The following ABLIM1 variants were observed in gnomAD, a reference collection of about 807,000 sequenced individuals.
ABLIM1 encodes actin binding LIM protein 1.
Under a neutral mutation model 107.0 loss-of-function variants are expected in ABLIM1, and 40 were observed. That is an observed-to-expected ratio of 0.37 (90% CI 0.29 to 0.49). The LOEUF (loss-of-function observed/expected upper bound fraction) is 0.49, where lower values mean the gene tolerates loss of function less well. ABLIM1 is among the 20% of genes least tolerant of loss of function. The pLI is 0.97. For missense variants in ABLIM1, 857 were observed against 1,008.5 expected (o/e 0.85, Z 2.04); for synonymous variants, 357 against 357.3 (o/e 1.00, Z 0.01).
intron 6 of ABLIM1, among the ~76,000 whole-genome samples, chr10:114,509,409 G>A (rs774885500): frequency 1.8e-4 from 28 of 151,980 alleles, no homozygotes; most frequent in African/African-American, 5.3e-4. Context: ...CCCACCAGTC[G>A]GTCTCCAGGC....
At chr10:114,793,029 G>A in the ABLIM1 span, among the ~76,000 whole-genome samples, 8 of 152,160 alleles carry the variant, frequency 5.3e-5, no homozygotes, top group Non-Finnish European at 1.2e-4. Context: ...GCACATGCCT[G>A]TAATCCCAGC....
Position 114,444,141 on chromosome 10 carries a change from AC to A in ABLIM1, c.1828-8del. Reference sequence around the variant, plus strand: ...GTCCCAGGCCTGAGTTAAGCTATTCACAGAAAAAAGGAAAAAAAAAAAAAAA... The same window carrying A: ...GTCCCAGGCCTGAGTTAAGCTATTCAAGAAAAAAGGAAAAAAAAAAAAAAA... On this transcript the variant is annotated splice_polypyrimidine_tract_variant and splice_region_variant and intron_variant, in intron 16 of 22. Transcript: ENST00000533213. 1 of 1,516,230 alleles carries A rather than the reference AC, an allele frequency of 6.6e-7. No individual in the cohort carries two copies. Among genetic ancestry groups the A allele is most frequent in the African/African-American group, 1.6e-5 (1 of 63,670 alleles). The allele number at this position is 1,516,230 out of a possible 1,614,324, so 93.9% of individuals were successfully genotyped here. A position where few individuals can be genotyped will look rare whatever the true frequency, so the allele number is the denominator to read the frequency against.
chr10:114,724,585 G>C (rs1336226268), intron 1 of ABLIM1, among the ~76,000 whole-genome samples: 1 of 152,060 alleles, frequency 6.6e-6, no homozygotes, highest in African/African-American at 2.4e-5. Context: ...TCATTCCCTA[G>C]AGGCTCTACT....
chr10:114,547,324 A>G (rs118000991), intron 5 of ABLIM1, among the ~76,000 whole-genome samples: 2 of 152,322 alleles, frequency 1.3e-5, no homozygotes, highest in Non-Finnish European at 2.9e-5. Context: ...TGGAAGGAGA[A>G]CAAAGGCTTA....
intron 1 of ABLIM1, among the ~76,000 whole-genome samples, chr10:114,669,050 G>A (rs1324906980): frequency 1.3e-5 from 2 of 152,170 alleles, no homozygotes; most frequent in Non-Finnish European, 2.9e-5. Context: ...ATGAACTTTG[G>A]ACATTAAAAT....
At chr10:114,745,491 G>A (rs2142342821) in intron 1 of ABLIM1, among the ~76,000 whole-genome samples, 1 of 152,330 alleles carries the variant, frequency 6.6e-6, no homozygotes, top group East Asian at 1.9e-4. Flanking sequence ...AACCTGGGAG[G>A]CAGAGGCCCC....
At chr10:114,491,976 G>A in intron 6 of ABLIM1, 98 bp from the exon 7 acceptor site, 1 of 1,000,726 alleles carries the variant, frequency 1.0e-6, no homozygotes, top group South Asian at 1.8e-5. Flanking sequence ...AGAGGATGCT[G>A]AAAAAGGAAA....
chr10:114,446,620 A>C (rs1294772654), intron 15 of ABLIM1, among the ~76,000 whole-genome samples: 1 of 152,072 alleles, frequency 6.6e-6, no homozygotes, highest in African/African-American at 2.4e-5. Flanking sequence ...CTCCTTTTGG[A>C]ATCTAAAAGA....
intron 1 of ABLIM1, among the ~76,000 whole-genome samples, chr10:114,706,547 T>C (rs1176650340): frequency 6.6e-6 from 1 of 152,194 alleles, no homozygotes. Flanking sequence ...GCACCAAATT[T>C]TTCCCTGGAG....
intron 7 of ABLIM1, among the ~76,000 whole-genome samples, chr10:114,490,894 C>A (rs905668400): frequency 2.0e-5 from 3 of 148,716 alleles, no homozygotes; most frequent in African/African-American, 7.4e-5. Context: ...GTCTTGAATT[C>A]CTCAGCTCAA....
intron 1 of ABLIM1, among the ~76,000 whole-genome samples, chr10:114,647,181 A>T (rs2079045815): frequency 6.6e-6 from 1 of 152,016 alleles, no homozygotes; most frequent in Non-Finnish European, 1.5e-5. Flanking sequence ...TATTTTTAGC[A>T]GGGACAGGGT....
chr10:114,545,456 T>G (rs1017647260), intron 5 of ABLIM1, among the ~76,000 whole-genome samples: 4 of 152,126 alleles, frequency 2.6e-5, no homozygotes, highest in Admixed American at 6.5e-5. Context: ...TGAGCCCACA[T>G]AACAATAATT....
intron 2 of ABLIM1, among the ~76,000 whole-genome samples, chr10:114,583,458 CACACACACACAT>C (rs2073779225): frequency 8.6e-5 from 1 of 11,638 alleles, no homozygotes; most frequent in African/African-American, 2.9e-4. Flanking sequence ...CACACACACA[CACACACACACAT>C]ATATATATAT....
intron 1 of ABLIM1, among the ~76,000 whole-genome samples, chr10:114,671,226 T>A (rs771560455): frequency 2.0e-5 from 3 of 152,278 alleles, no homozygotes; most frequent in Non-Finnish European, 4.4e-5. Flanking sequence ...TGGCTCAACA[T>A]AATGCCTATG....
intron 5 of ABLIM1, 72 bp downstream of exon 5, chr10:114,547,578 G>C: frequency 1.3e-6 from 2 of 1,594,546 alleles, no homozygotes; most frequent in Non-Finnish European, 1.7e-6. Context: ...GGGCCCCTGA[G>C]ACCAGGACCT....
upstream of ABLIM1, among the ~76,000 whole-genome samples, chr10:114,689,548 G>T (rs1329902009): frequency 6.6e-6 from 1 of 151,674 alleles, no homozygotes; most frequent in African/African-American, 2.4e-5. Flanking sequence ...TTTTATTAGC[G>T]ACGGGGTTTC....
At chr10:114,633,779 C>T (rs2078318233) in intron 1 of ABLIM1, among the ~76,000 whole-genome samples, 1 of 152,178 alleles carries the variant, frequency 6.6e-6, no homozygotes. Context: ...TACTTTCCCA[C>T]TCCTAATCAC....
At chr10:114,659,878 A>G (rs2079711531), upstream of ABLIM1, among the ~76,000 whole-genome samples, 1 of 152,174 alleles carries the variant, frequency 6.6e-6, no homozygotes, top group South Asian at 2.1e-4. Flanking sequence ...CCTATCCAAT[A>G]GTCGGGTCCT....
At chr10:114,763,023 G>A (rs2082785945) in intron 1 of ABLIM1, among the ~76,000 whole-genome samples, 1 of 152,204 alleles carries the variant, frequency 6.6e-6, no homozygotes, top group African/African-American at 2.4e-5. Flanking sequence ...CCCTGCCAGT[G>A]CAATGGAATC....
Sources: gnomAD v4.1 joint callset for allele counts (sites outside exome capture counted in the v4.1 genomes callset) on GRCh38, gnomAD v4.1.1 for gene constraint, MANE v1.5 for transcripts, NCBI Gene and HGNC (gene_info 2026-07-23, HGNC 2026-07-21) for gene names.